Variants in RIMKLA observed in about 807,000 individuals in gnomAD.
The protein encoded by RIMKLA is N-acetylaspartylglutamate synthase A.
RIMKLA carries 14 observed loss-of-function variants against 32.7 expected under a neutral mutation model. The ratio of observed to expected loss-of-function variants is 0.43; its 90% confidence interval spans 0.28 to 0.67. The LOEUF (loss-of-function observed/expected upper bound fraction) is 0.67, where lower values mean the gene tolerates loss of function less well. Among genes scored for constraint, RIMKLA ranks in the 30% least tolerant of loss-of-function variants. The probability of loss-of-function intolerance (pLI) is 0.18; values close to 1 mark genes in which losing one functional copy is unlikely to be tolerated. For missense variants in RIMKLA, 410 were observed against 519.0 expected, an observed-to-expected ratio of 0.79 and a Z score of 2.04; for synonymous variants, 176 against 204.1, an observed-to-expected ratio of 0.86 and a Z score of 1.18.
intron 4 of RIMKLA, chr1:42,412,479 T>C: frequency 5.6e-6 from 2 of 354,540 alleles, no homozygotes; most frequent in South Asian, 4.7e-5. Context: ...TGATGCCAGC[T>C]GAGGTTGTCA....
At position 42,416,563 on chromosome 1, in the gene RIMKLA, G is replaced by A. The variant is rs1018048008; in HGVS notation, c.*1589G>A. 2 of 151,894 alleles carry A rather than the reference G, an allele frequency of 1.3e-5. No homozygotes were observed. Among genetic ancestry groups the A allele is most frequent in the Non-Finnish European group, 2.9e-5 (2 of 68,002 alleles). The allele number at this position is 151,894 out of a possible 1,614,324, so 9.4% of individuals were successfully genotyped here. A position where few individuals can be genotyped will look rare whatever the true frequency, so the allele number is the denominator to read the frequency against. ...AGGACAAAGATTTACCAACACTGAAGACCCTTACAAGTTGACAGTTTCTAA... is the reference window on the plus strand; with the variant it reads ...AGGACAAAGATTTACCAACACTGAAAACCCTTACAAGTTGACAGTTTCTAA... On this transcript the variant is annotated 3_prime_UTR_variant, in exon 5 of 5. Coordinates refer to ENST00000431473, the MANE Select transcript of RIMKLA (RefSeq NM_173642.4).
chr1:42,382,623 T>C (rs995901485), intron 1 of RIMKLA, among the ~76,000 whole-genome samples: 6 of 152,242 alleles, frequency 3.9e-5, no homozygotes, highest in African/African-American at 1.4e-4. Flanking sequence ...GTCTCTTTTT[T>C]GAGATACAGT....
At chr1:42,401,034 AT>A (rs1157932395) in intron 2 of RIMKLA, among the ~76,000 whole-genome samples, 1 of 151,170 alleles carries the variant, frequency 6.6e-6, no homozygotes, top group African/African-American at 2.4e-5. Context: ...ATGGAAGACG[AT>A]TTTTCCACAG....
chr1:42,388,559 G>GC (rs1378564392), intron 1 of RIMKLA, among the ~76,000 whole-genome samples: 1 of 137,632 alleles, frequency 7.3e-6, no homozygotes, highest in African/African-American at 2.8e-5. Flanking sequence ...TTGCTCTGTC[G>GC]CCCAGGTTGG....
intron 1 of RIMKLA, among the ~76,000 whole-genome samples, chr1:42,399,176 A>G (rs1470123391): frequency 6.6e-6 from 1 of 152,020 alleles, no homozygotes; most frequent in African/African-American, 2.4e-5. Flanking sequence ...TATTCTTGAT[A>G]TGCTTTCTTT....
Position 42,414,752 on chromosome 1 carries a change from G to A in RIMKLA, c.954G>A (p.Ser318=), listed in dbSNP as rs909242577. Residue 318 remains serine, a synonymous_variant, in exon 5 of 5, where the codon TCG becomes TCA. Coordinates refer to ENST00000431473, the MANE Select transcript of RIMKLA (RefSeq NM_173642.4). ...TGKMAVLPGL[S]SPREKNEPDG... ...AGATGGCTGTCCTCCCAGGACTGTC[G>A]AGTCCAAGGGAGAAGAACGAGCCGG... is the stretch of plus-strand genomic sequence containing the variant. 7 of 1,614,020 alleles carry A rather than the reference G, an allele frequency of 4.3e-6. No homozygotes were observed. The highest frequency in any genetic ancestry group is 1.3e-5 in the African/African-American group (1 of 74,906).
chr1:42,390,777 C>T lies in RIMKLA; in HGVS notation c.164-8627C>T, dbSNP rs1015925786. On this transcript the variant is annotated intron_variant, in intron 1 of 4. Transcript: ENST00000431473. ...ATGATTGCCAGACATTAAGGGTGCC[C>T]ATGAGACAAGTCAGCAGGTTTGTGT... Among the ~76,000 whole-genome samples, 43 of 152,074 alleles carry T rather than the reference C, an allele frequency of 2.8e-4. 1 individual carries two copies. Among genetic ancestry groups the T allele is most frequent in the Non-Finnish European group, 4.4e-5 (3 of 68,020 alleles).
chr1:42,398,850 C>T (rs1046067606), intron 1 of RIMKLA, among the ~76,000 whole-genome samples: 2 of 151,554 alleles, frequency 1.3e-5, no homozygotes, highest in Non-Finnish European at 2.9e-5. Context: ...GCCTGTAGTT[C>T]CAGCTACTGG....
At position 42,385,857 on chromosome 1, in the gene RIMKLA, T is replaced by C. The variant is rs1553175534; in HGVS notation, c.163+4760T>C. Among the ~76,000 whole-genome samples, 325 of 44,992 alleles carry C rather than the reference T, an allele frequency of 7.2e-3. 4 individuals are homozygous for C. Among genetic ancestry groups the C allele is most frequent in the Middle Eastern group, 0.017 (1 of 58 alleles). 29.5% of individuals were successfully genotyped at this position (44,992 alleles called of 152,430 possible). A position where few individuals can be genotyped will look rare whatever the true frequency, so the allele number is the denominator to read the frequency against. On this transcript the variant is annotated intron_variant, in intron 1 of 4. Transcript: ENST00000431473. ...CTTTCTTTCTTTCTCTTTCTTTCTT[T>C]CTTTCTTTCTTTCTTTCTTTCTTTC...
rs1326581243 is a variant in RIMKLA at position 42,418,107 on chromosome 1, A to T, written c.*3133A>T. The T allele has an allele frequency of 6.6e-6, 1 of 152,214 alleles. No homozygotes were observed. The highest frequency in any genetic ancestry group is 1.5e-5 in the Non-Finnish European group (1 of 68,046). 9.4% of individuals were successfully genotyped at this position (152,214 alleles called of 1,614,324 possible). ...TCAGACAGCCTTCTGGATGTATCGT[A>T]TATAACCTGAAACTCTCCACTCTTG... is the stretch of plus-strand genomic sequence containing the variant. On this transcript the variant is annotated 3_prime_UTR_variant, in exon 5 of 5. Transcript: ENST00000431473.
chr1:42,393,344 T>A (rs1045142378), intron 1 of RIMKLA, among the ~76,000 whole-genome samples: 2 of 152,218 alleles, frequency 1.3e-5, no homozygotes, highest in Admixed American at 6.5e-5. Flanking sequence ...AATGCATATT[T>A]AAGTTGTGTA....
rs1209136849 is a variant in RIMKLA at position 42,417,991 on chromosome 1, G to A, written c.*3017G>A. The A allele has an allele frequency of 1.3e-5, 2 of 151,560 alleles. No individual in the cohort carries two copies. The highest frequency in any genetic ancestry group is 4.8e-5 in the African/African-American group (2 of 41,238). 9.4% of individuals were successfully genotyped at this position (151,560 alleles called of 1,614,324 possible). ...GGCATTAGCACACCAAACAGTGGTA[G>A]GGTACCCTGAGAAAGGAATGCAGCT... On this transcript the variant is annotated 3_prime_UTR_variant, in exon 5 of 5. Transcript: ENST00000431473.
chr1:42,393,120 T>A (rs1236643566), intron 1 of RIMKLA, among the ~76,000 whole-genome samples: 4 of 152,172 alleles, frequency 2.6e-5, no homozygotes, highest in Non-Finnish European at 4.4e-5. Flanking sequence ...GTAACTCCCT[T>A]GATAAAGTAT....
At position 42,421,072 on chromosome 1, in the gene RIMKLA, T is replaced by G. The variant is rs1363923059; in HGVS notation, c.*6098T>G. On this transcript the variant is annotated 3_prime_UTR_variant, in exon 5 of 5. Transcript: ENST00000431473. This position sits in a 1 kb window ranked among gnomAD's most constrained non-coding sequence, Gnocchi z 4.6. ...GAAAAAGAGCTGCTGGGGGCAGGGCTGGCGGTAGCTCAAGCATGCTGTGGT... is the reference window on the plus strand; with the variant it reads ...GAAAAAGAGCTGCTGGGGGCAGGGCGGGCGGTAGCTCAAGCATGCTGTGGT... The G allele has an allele frequency of 6.6e-6, 1 of 152,310 alleles. No individual in the cohort carries two copies. Among genetic ancestry groups the G allele is most frequent in the East Asian group, 1.9e-4 (1 of 5,200 alleles). 9.4% of individuals were successfully genotyped at this position (152,310 alleles called of 1,614,324 possible).
At position 42,381,054 on chromosome 1, in the gene RIMKLA, G is replaced by C. The variant is rs1334094386; in HGVS notation, c.120G>C (p.Val40=). The change falls in exon 1 of 5, where the codon GTG becomes GTC. Residue 40 remains valine, a synonymous_variant. Transcript: ENST00000431473. ...CSEQDVRFRA[V]LMDQIAVTIV... ...AGCAGGACGTGCGCTTCCGGGCGGT[G>C]CTTATGGACCAGATCGCCGTCACCA... 1 of 1,323,598 alleles carries C rather than the reference G, an allele frequency of 7.6e-7. No homozygotes were observed. Among genetic ancestry groups the C allele is most frequent in the African/African-American group, 1.5e-5 (1 of 65,026 alleles). 82.0% of individuals were successfully genotyped at this position (1,323,598 alleles called of 1,614,324 possible).
At chr1:42,400,462 G>A (rs1484481296) in intron 2 of RIMKLA, among the ~76,000 whole-genome samples, 1 of 152,200 alleles carries the variant, frequency 6.6e-6, no homozygotes, top group Non-Finnish European at 1.5e-5. Context: ...AGCAACGATG[G>A]TCTAAACTAA....
intron 3 of RIMKLA, among the ~76,000 whole-genome samples, chr1:42,408,971 G>A (rs1643173103): frequency 6.6e-6 from 1 of 151,846 alleles, no homozygotes; most frequent in Non-Finnish European, 1.5e-5. Flanking sequence ...ACTTTGGGAG[G>A]CTGAGGCAGG....
intron 3 of RIMKLA, 23 bp downstream of exon 3, chr1:42,404,620 T>C: frequency 6.6e-7 from 1 of 1,513,726 alleles, no homozygotes; most frequent in Non-Finnish European, 9.2e-7. Context: ...TCTCCAGGGC[T>C]TCCTGGGTAA....
chr1:42,388,178 C>T (rs1642966452), intron 1 of RIMKLA, among the ~76,000 whole-genome samples: 1 of 152,118 alleles, frequency 6.6e-6, no homozygotes. Flanking sequence ...TTTGCTTTTA[C>T]TCTGGATGAG....
Sources: gnomAD v4.1 joint callset for allele counts (sites outside exome capture counted in the v4.1 genomes callset) on GRCh38, gnomAD v4.1.1 for gene constraint, Gnocchi (gnomAD v3.1) non-coding constraint, MANE v1.5 for transcripts, NCBI Gene and HGNC (gene_info 2026-07-23, HGNC 2026-07-21) for gene names.